The following CSMD2 variants were observed in gnomAD, a reference collection of about 807,000 sequenced individuals.
The protein encoded by CSMD2 is CUB and sushi domain-containing protein 2.
In CSMD2, 130 loss-of-function variants were observed where a neutral mutation model predicts 398.5. That is an observed-to-expected ratio of 0.33 (90% CI 0.28 to 0.38). CSMD2 has a LOEUF of 0.38. Ranked by LOEUF, CSMD2 falls within the 10% of genes least tolerant of loss-of-function variation. The probability of loss-of-function intolerance (pLI) is 1.00; values close to 1 mark genes in which losing one functional copy is unlikely to be tolerated. For missense variants in CSMD2, 3,829 were observed against 4,764.9 expected, an observed-to-expected ratio of 0.80 and a Z score of 5.78; for synonymous variants, 1,828 against 1,908.5, an observed-to-expected ratio of 0.96 and a Z score of 1.10.
At chr1:33,805,549 T>C (rs1432192028) in intron 10 of CSMD2, among the ~76,000 whole-genome samples, 1 of 152,148 alleles carries the variant, frequency 6.6e-6, no homozygotes, top group Admixed American at 6.5e-5. Flanking sequence ...GTGTTAAGGA[T>C]TGAATTATAA....
At chr1:34,113,330 A>C (rs780127047) in intron 1 of CSMD2, among the ~76,000 whole-genome samples, 3 of 152,254 alleles carry the variant, frequency 2.0e-5, no homozygotes, top group Non-Finnish European at 4.4e-5. Context: ...GCAGCGACCC[A>C]GGACCTGTGA....
chr1:33,815,190 C>T (rs1657319178), intron 9 of CSMD2: 4 of 152,144 alleles, frequency 2.6e-5, no homozygotes, highest in African/African-American at 9.7e-5. Context: ...AAATATTCAA[C>T]ACTTGGTTGA....
intron 1 of CSMD2, among the ~76,000 whole-genome samples, chr1:34,122,324 A>G (rs1423688419): frequency 6.6e-6 from 1 of 152,038 alleles, no homozygotes; most frequent in Non-Finnish European, 1.5e-5. Flanking sequence ...CCTTTGGGGC[A>G]CCTTTTTCAT....
chr1:33,867,107 T>TCACTTCTGTGATTATGTGATGA (rs1640097825), intron 5 of CSMD2, among the ~76,000 whole-genome samples: 1 of 152,252 alleles, frequency 6.6e-6, no homozygotes, highest in Non-Finnish European at 1.5e-5. Context: ...AGATGGGATG[T>TCACTTCTGTGATTATGTGATGA]CACTTCTGTG....
chr1:33,956,147 G>A (rs941118150), intron 3 of CSMD2, among the ~76,000 whole-genome samples: 2 of 151,388 alleles, frequency 1.3e-5, no homozygotes, highest in African/African-American at 4.9e-5. Flanking sequence ...ATTTTTAAGT[G>A]TAGTTTAGTG....
chr1:33,908,648 C>T (rs1038242975), intron 5 of CSMD2, among the ~76,000 whole-genome samples: 1 of 152,244 alleles, frequency 6.6e-6, no homozygotes, highest in Non-Finnish European at 1.5e-5. Flanking sequence ...ACTTCCTGCT[C>T]CTCCCAGCTG....
intron 4 of CSMD2, 87 bp downstream of exon 4, chr1:33,935,673 G>T (rs889974751): frequency 2.2e-6 from 3 of 1,363,514 alleles, no homozygotes; most frequent in Non-Finnish European, 3.0e-6. Context: ...GTGTAGCTTT[G>T]CCCTTTGAGA....
intron 13 of CSMD2, 83 bp downstream of exon 13, chr1:33,772,486 G>T: frequency 2.2e-6 from 3 of 1,351,474 alleles, no homozygotes; most frequent in South Asian, 1.3e-5. Flanking sequence ...AGGTTCCCAG[G>T]GACGGGGCCC....
At chr1:33,812,163 C>A (rs1015360443) in intron 9 of CSMD2, among the ~76,000 whole-genome samples, 2 of 152,076 alleles carry the variant, frequency 1.3e-5, no homozygotes, top group Non-Finnish European at 2.9e-5. Flanking sequence ...TACTATGGGC[C>A]AGGAAAAGTG....
At chr1:34,086,877 G>A (rs867687229) in intron 2 of CSMD2, among the ~76,000 whole-genome samples, 3 of 152,142 alleles carry the variant, frequency 2.0e-5, no homozygotes, top group South Asian at 2.1e-4. Flanking sequence ...ACCACCTTCT[G>A]CCACCTCCCA....
intron 37 of CSMD2, among the ~76,000 whole-genome samples, chr1:33,620,434 G>T (rs1200909886): frequency 6.6e-6 from 1 of 152,104 alleles, no homozygotes; most frequent in Non-Finnish European, 1.5e-5. Flanking sequence ...CATCATGAGG[G>T]GACAACACAT....
intron 1 of CSMD2, among the ~76,000 whole-genome samples, chr1:34,140,123 C>A (rs1639131310): frequency 6.6e-6 from 1 of 152,046 alleles, no homozygotes; most frequent in Admixed American, 6.5e-5. Flanking sequence ...TGGCTTTGAT[C>A]AATGTATCAT....
intron 56 of CSMD2, among the ~76,000 whole-genome samples, chr1:33,546,798 G>A (rs1006062470): frequency 6.6e-6 from 1 of 151,366 alleles, no homozygotes; most frequent in Admixed American, 6.6e-5. Context: ...ATAGGATAAA[G>A]TCCAAACTGC....
intron 12 of CSMD2, among the ~76,000 whole-genome samples, 154 bp from the exon 13 acceptor site, chr1:33,772,905 G>A (rs980905434): frequency 6.6e-6 from 1 of 152,186 alleles, no homozygotes; most frequent in African/African-American, 2.4e-5. Context: ...AAGGAATGAG[G>A]TTTGTGAGAA....
chr1:33,737,506 G>A (rs1363785406), intron 15 of CSMD2, among the ~76,000 whole-genome samples: 1 of 152,158 alleles, frequency 6.6e-6, no homozygotes, highest in East Asian at 1.9e-4. Flanking sequence ...GCATGCTCAA[G>A]ACAACTCTTC....
chr1:33,741,747 G>A (rs539209917), intron 14 of CSMD2, among the ~76,000 whole-genome samples: 2 of 152,244 alleles, frequency 1.3e-5, no homozygotes, highest in Non-Finnish European at 2.9e-5. Flanking sequence ...AGGTTAGTCT[G>A]CTGCCGTCAT....
intron 21 of CSMD2, among the ~76,000 whole-genome samples, chr1:33,710,923 C>T (rs1485607003): frequency 6.6e-6 from 1 of 152,216 alleles, no homozygotes; most frequent in Admixed American, 6.5e-5. Flanking sequence ...CTGCTCAATT[C>T]AGGACCAGCT....
chr1:33,918,897 C>T (rs1425058460), intron 4 of CSMD2, among the ~76,000 whole-genome samples: 1 of 152,190 alleles, frequency 6.6e-6, no homozygotes, highest in East Asian at 1.9e-4. Context: ...GTTAATGTGA[C>T]AGTAACTAGC....
intron 2 of CSMD2, among the ~76,000 whole-genome samples, chr1:34,041,538 T>C (rs1651839323): frequency 6.6e-6 from 1 of 152,224 alleles, no homozygotes; most frequent in Admixed American, 6.5e-5. Context: ...CTCCAGGAGT[T>C]TGTGCCCATG....
Sources: allele counts gnomAD v4.1 joint callset (sites outside exome capture counted in the v4.1 genomes callset), GRCh38; gene constraint gnomAD v4.1.1; transcripts MANE v1.5; gene names NCBI Gene and HGNC (gene_info 2026-07-23, HGNC 2026-07-21).